UGT1A7: variants seen among roughly 807,000 people sequenced by gnomAD.
The protein encoded by UGT1A7 is UDP-glucuronosyltransferase 1A7.
A neutral mutation model predicts 45.6 loss-of-function variants in UGT1A7; 33 were observed. The ratio of observed to expected loss-of-function variants is 0.72; its 90% confidence interval spans 0.55 to 0.97. UGT1A7 has a LOEUF of 0.97. Among genes scored for constraint, UGT1A7 ranks in the 50% least tolerant of loss-of-function variants. The pLI is 0.00. For missense variants in UGT1A7, 684 were observed against 666.2 expected (o/e 1.03, Z -0.29); for synonymous variants, 274 against 250.6 (o/e 1.09, Z -0.88).
intron 1 of UGT1A7, among the ~76,000 whole-genome samples, chr2:233,705,578 G>A (rs549130522): frequency 2.0e-5 from 3 of 152,288 alleles, no homozygotes; most frequent in African/African-American, 7.2e-5. Flanking sequence ...GGATAGAAAT[G>A]GTTTATGGAT....
In UGT1A7 at chr2:233,760,993, G is replaced by C. The variant is rs367668492; in HGVS notation, c.856-6041G>C. ...TTCCCCGTATGCAACCCTTGCCTCA[G>C]AATTCCTTCAGAGAGAGGTGACTGT... On this transcript the variant is annotated intron_variant, in intron 1 of 4. Coordinates refer to ENST00000373426, the MANE Select transcript of UGT1A7 (RefSeq NM_019077.3). The C allele has an allele frequency of 4.5e-5, 73 of 1,614,036 alleles. No homozygotes were observed. Among genetic ancestry groups the C allele is most frequent in the South Asian group, 2.0e-4 (18 of 91,074 alleles).
intron 1 of UGT1A7, chr2:233,718,914 T>A: frequency 6.2e-7 from 1 of 1,614,066 alleles, no homozygotes; most frequent in Non-Finnish European, 8.5e-7. Context: ...TGGAAAGGTG[T>A]TGGTGGTGCC....
At chr2:233,713,117 C>G in intron 1 of UGT1A7, 2 of 1,614,220 alleles carry the variant, frequency 1.2e-6, no homozygotes, top group South Asian at 1.1e-5. Flanking sequence ...GCCACTGGCT[C>G]AGCATGCGGG....
chr2:233,751,532 C>A (rs1375355946), intron 1 of UGT1A7, among the ~76,000 whole-genome samples: 5 of 152,214 alleles, frequency 3.3e-5, no homozygotes, highest in Admixed American at 6.5e-5. Context: ...TATGGTTTGA[C>A]TCTGTGTTTC....
At chr2:233,689,461 A>G (rs1259384419) in intron 1 of UGT1A7, among the ~76,000 whole-genome samples, 1 of 152,230 alleles carries the variant, frequency 6.6e-6, no homozygotes, top group African/African-American at 2.4e-5. Context: ...ACATTTTAGG[A>G]AAACAGAAGT....
chr2:233,682,317 T>C lies in UGT1A7; in HGVS notation c.380T>C (p.Leu127Ser), dbSNP rs770134908. The change falls in exon 1 of 5, where the codon TTG becomes TCG. Residue 127 changes from leucine to serine, a missense_variant. Transcript: ENST00000373426. ...FDLFFSNCRS[L>S]FNDRKLVEYL... Reference sequence around the variant, plus strand: ...TTATTTTTTTCAAATTGCAGGAGTTTGTTTAATGACCGAAAATTAGTAGAA... The same window carrying C: ...TTATTTTTTTCAAATTGCAGGAGTTCGTTTAATGACCGAAAATTAGTAGAA... 1.9e-6 allele frequency: 3 copies of C among 1,614,198 alleles called. No individual in the cohort carries two copies. Among genetic ancestry groups the C allele is most frequent in the Non-Finnish European group, 2.5e-6 (3 of 1,180,022 alleles).
intron 1 of UGT1A7, among the ~76,000 whole-genome samples, chr2:233,723,516 C>CT (rs1162916866): frequency 0.039 from 3,331 of 85,338 alleles, 215 homozygotes; most frequent in African/African-American, 0.13. Flanking sequence ...GGTCAACAAT[C>CT]TTTTTTTTTT....
rs2012736 is a variant in UGT1A7 at position 233,713,733 on chromosome 2, C to A, written c.855+30941C>A. ...TCAGAGAGAGGTGTCAGTGGTGGAT[C>A]TTGTCAGCCATGCATCTGTGTGGCT... On this transcript the variant is annotated intron_variant, in intron 1 of 4. Transcript: ENST00000373426. The A allele has an allele frequency of 0.091, 144,275 of 1,587,018 alleles. 8,662 individuals carry two copies. The highest frequency in any genetic ancestry group is 0.18 in the South Asian group (15,785 of 87,122).
In UGT1A7 at chr2:233,767,044, C is replaced by A. The variant is rs758873309; in HGVS notation, c.866C>A (p.Ala289Asp). Residue 289 changes from alanine (A) to aspartate (D), a missense_variant, in exon 2 of 5, where the codon GCC becomes GAC. Ala to Asp is a moderately radical substitution (Grantham distance 126, BLOSUM62 -2). Coordinates refer to ENST00000373426, the MANE Select transcript of UGT1A7 (RefSeq NM_019077.3). ...QGKPVPMEFE[A>D]YINASGEHGI... ...TTCTTCTGGCTCTAGGAATTTGAAG[C>A]CTACATTAATGCTTCTGGAGAACAT... 1.2e-6 allele frequency: 2 copies of A among 1,613,992 alleles called. No homozygotes were observed. Among genetic ancestry groups the A allele is most frequent in the Non-Finnish European group, 1.7e-6 (2 of 1,179,984 alleles).
chr2:233,740,757 T>C (rs1350241076), intron 1 of UGT1A7: 3 of 151,778 alleles, frequency 2.0e-5, no homozygotes, highest in Non-Finnish European at 2.9e-5. Context: ...CTGAAAACCT[T>C]ATCAAACCGT....
At position 233,768,454 on chromosome 2, in the gene UGT1A7, A is replaced by C; in HGVS notation, c.1295+15A>C. The stretch of plus-strand genomic sequence containing the variant: ...AATGACAAAAGGTAAGAAAGAAGAT[A>C]CAGAAGAATACTTTGGTCATGGCAT... On this transcript the variant is annotated intron_variant, in intron 4 of 4. Coordinates refer to ENST00000373426, the MANE Select transcript of UGT1A7 (RefSeq NM_019077.3). The C allele has an allele frequency of 6.2e-7, 1 of 1,610,684 alleles. No individual in the cohort carries two copies.
At chr2:233,768,582 CTTTTTTTTT>C (rs139595073) in intron 4 of UGT1A7, 143 bp downstream of exon 4, 1,382 of 1,030,410 alleles carry the variant, frequency 1.3e-3, no homozygotes, top group Middle Eastern at 4.4e-3. Flanking sequence ...TTTATTTCTT[CTTTTTTTTT>C]TTTTTTTTTT....
Position 233,754,866 on chromosome 2 carries a change from C to G in UGT1A7, c.856-12168C>G, listed in dbSNP as rs1321579990. 5 of 1,351,528 alleles carry G rather than the reference C, an allele frequency of 3.7e-6. No homozygotes were observed. In the South Asian group the frequency reaches 5.7e-5, roughly 15 times the overall value. 83.7% of individuals were successfully genotyped at this position (1,351,528 alleles called of 1,614,324 possible). On this transcript the variant is annotated intron_variant, in intron 1 of 4. Transcript: ENST00000373426. ...GGCAGAGAAAAGGGGTGCAGACCCT[C>G]TGCTTCTGCTTCCCAGGGAGTTCCT...
chr2:233,717,972 C>A, intron 1 of UGT1A7: 1 of 447,844 alleles, frequency 2.2e-6, no homozygotes, highest in Non-Finnish European at 4.5e-6. Flanking sequence ...CTTTGGCATT[C>A]AGAAGAGGAA....
intron 1 of UGT1A7, chr2:233,690,562 G>A (rs1458201695): frequency 7.8e-7 from 1 of 1,289,358 alleles, no homozygotes; most frequent in Non-Finnish European, 1.0e-6. Flanking sequence ...CCAAGCCTGA[G>A]TCATTCAGCC....
intron 1 of UGT1A7, among the ~76,000 whole-genome samples, chr2:233,757,242 G>C (rs889678436): frequency 2.7e-5 from 4 of 149,670 alleles, no homozygotes; most frequent in African/African-American, 9.9e-5. Flanking sequence ...GTGGTGGTGA[G>C]GTGGGGTTAT....
intron 1 of UGT1A7, among the ~76,000 whole-genome samples, chr2:233,726,331 C>A (rs898548496): frequency 2.0e-5 from 3 of 152,168 alleles, no homozygotes; most frequent in Non-Finnish European, 4.4e-5. Flanking sequence ...GTTTCAGCAC[C>A]TGTGGTTTTT....
rs921224887 is a variant in UGT1A7, at chr2:233,769,400, T to A, written c.1295+961T>A. ...TCCGACAATAGATACTGTGTGCATA[T>A]GTGCGTGTGCGTTTGTGCATGTGGC... On this transcript the variant is annotated intron_variant, in intron 4 of 4. Coordinates refer to ENST00000373426, the MANE Select transcript of UGT1A7 (RefSeq NM_019077.3). The surrounding 1 kb of genome is among the most constrained non-coding windows in gnomAD (Gnocchi z 4.4). 3.4e-6 allele frequency: 4 copies of A among 1,182,114 alleles called. No homozygotes were observed. Among genetic ancestry groups the A allele is most frequent in the Non-Finnish European group, 4.9e-6 (4 of 819,978 alleles). The allele number at this position is 1,182,114 out of a possible 1,614,324, so 73.2% of individuals were successfully genotyped here. A position where few individuals can be genotyped will look rare whatever the true frequency, so the allele number is the denominator to read the frequency against.
At chr2:233,724,549 A>G (rs2077280351) in intron 1 of UGT1A7, among the ~76,000 whole-genome samples, 1 of 120,476 alleles carries the variant, frequency 8.3e-6, no homozygotes, top group Non-Finnish European at 1.7e-5. Flanking sequence ...GGCGCTCCTC[A>G]CATCCCAGAT....
Sources: gnomAD v4.1 joint callset for allele counts (sites outside exome capture counted in the v4.1 genomes callset) on GRCh38, gnomAD v4.1.1 for gene constraint, Gnocchi (gnomAD v3.1) non-coding constraint, MANE v1.5 for transcripts, NCBI Gene and HGNC (gene_info 2026-07-23, HGNC 2026-07-21) for gene names.